CADPS2: variants seen among roughly 807,000 people sequenced by gnomAD.
CADPS2 encodes calcium dependent secretion activator 2.
In CADPS2, 93 loss-of-function variants were observed where a neutral mutation model predicts 172.5. The ratio of observed to expected loss-of-function variants is 0.54; its 90% CI spans 0.46 to 0.64. The LOEUF (loss-of-function observed/expected upper bound fraction) is 0.64. CADPS2 is among the 30% of genes least tolerant of loss of function. The pLI is 0.00. For missense variants in CADPS2, 1,420 were observed against 1,565.9 expected, an observed-to-expected ratio of 0.91 and a Z score of 1.57; for synonymous variants, 546 against 555.2, an observed-to-expected ratio of 0.98 and a Z score of 0.23.
At chr7:122,597,278 C>T (rs2071967899) in intron 6 of CADPS2, among the ~76,000 whole-genome samples, 1 of 152,074 alleles carries the variant, frequency 6.6e-6, no homozygotes, top group Non-Finnish European at 1.5e-5. Context: ...TCCTGCCTCA[C>T]ATAATTACTC....
chr7:122,462,380 G>A (rs1018552253), intron 14 of CADPS2, among the ~76,000 whole-genome samples: 2 of 150,462 alleles, frequency 1.3e-5, no homozygotes, highest in Non-Finnish European at 3.0e-5. Flanking sequence ...GAAAAAAAAA[G>A]AATTAAAGAA....
chr7:122,817,116 T>C (rs962193266), intron 1 of CADPS2, among the ~76,000 whole-genome samples: 4 of 152,108 alleles, frequency 2.6e-5, no homozygotes, highest in Non-Finnish European at 5.9e-5. Flanking sequence ...CCAGGTGAAA[T>C]AAGCAGCCAT....
At chr7:122,329,255 G>A (rs2034490289) in intron 28 of CADPS2, among the ~76,000 whole-genome samples, 1 of 152,156 alleles carries the variant, frequency 6.6e-6, no homozygotes, top group Non-Finnish European at 1.5e-5. Context: ...GGTGCAGTCT[G>A]AATGGCTGGC....
intron 7 of CADPS2, among the ~76,000 whole-genome samples, chr7:122,555,443 A>G (rs2132033317): frequency 6.6e-6 from 1 of 152,216 alleles, no homozygotes; most frequent in East Asian, 1.9e-4. Context: ...CACAGTTTAC[A>G]TCTAAGCCTT....
chr7:122,692,888 G>T lies in CADPS2; in HGVS notation c.454-29319C>A, dbSNP rs539481646. Among the ~76,000 whole-genome samples, 3 of 152,294 alleles carry T rather than the reference G, an allele frequency of 2.0e-5. No individual in the cohort carries two copies. In the East Asian group the frequency reaches 5.8e-4, roughly 29 times the overall value. On this transcript the variant is annotated intron_variant, in intron 2 of 29. Transcript: ENST00000449022. The stretch of plus-strand genomic sequence containing the variant: ...ACAGCCTGCTCTCCATTGCCTTCAG[G>T]GTCAGCAGCTTAACTCTCTCTCTCT...
chr7:122,464,520 G>T lies in CADPS2; in HGVS notation c.2186+6855C>A, dbSNP rs943048478. On this transcript the variant is annotated intron_variant, in intron 14 of 29. Coordinates refer to ENST00000449022, the MANE Select transcript of CADPS2 (RefSeq NM_017954.11). ...GGACTTAGCTATTTTCTTCAAACTA[G>T]AGTATAAAAAAATAAAAATGACATC... is the stretch of plus-strand genomic sequence containing the variant. Among the ~76,000 whole-genome samples, 3 of 152,000 alleles carry T rather than the reference G, an allele frequency of 2.0e-5. 1 individual carries two copies. The highest frequency in any genetic ancestry group is 4.2e-4 in the South Asian group (2 of 4,810).
At chr7:122,620,369 T>C (rs1395802776) in intron 5 of CADPS2, among the ~76,000 whole-genome samples, 1 of 152,192 alleles carries the variant, frequency 6.6e-6, no homozygotes, top group African/African-American at 2.4e-5. Context: ...TTATAATCTT[T>C]TATCTTAATG....
chr7:122,434,455 T>C (rs886089882), intron 17 of CADPS2, among the ~76,000 whole-genome samples: 1 of 152,154 alleles, frequency 6.6e-6, no homozygotes, highest in African/African-American at 2.4e-5. Context: ...AAACTAGGAT[T>C]AGGAAGTTTC....
intron 2 of CADPS2, among the ~76,000 whole-genome samples, chr7:122,692,740 T>C (rs1349299864): frequency 6.6e-6 from 1 of 152,204 alleles, no homozygotes; most frequent in Non-Finnish European, 1.5e-5. Context: ...AGTGGGTGGA[T>C]GGACAGATAG....
chr7:122,767,232 T>TTA (rs1295465848), intron 1 of CADPS2, among the ~76,000 whole-genome samples: 2 of 152,182 alleles, frequency 1.3e-5, no homozygotes, highest in Admixed American at 6.6e-5. Context: ...TTCCTGGGTT[T>TTA]TAGACACTAA....
At chr7:122,867,312 C>T (rs1002560879) in intron 1 of CADPS2, among the ~76,000 whole-genome samples, 5 of 152,166 alleles carry the variant, frequency 3.3e-5, no homozygotes, top group Non-Finnish European at 5.9e-5. Flanking sequence ...CCTCCTCTCA[C>T]ACACTGAGAA....
intron 29 of CADPS2, among the ~76,000 whole-genome samples, chr7:122,324,265 G>C (rs562676608): frequency 4.1e-4 from 62 of 152,152 alleles, no homozygotes; most frequent in African/African-American, 1.4e-3. Context: ...CTTTGGAACA[G>C]AACTTTCCTA....
intron 1 of CADPS2, among the ~76,000 whole-genome samples, chr7:122,865,421 ATG>A (rs1357894771): frequency 1.3e-5 from 2 of 152,206 alleles, no homozygotes; most frequent in Non-Finnish European, 2.9e-5. Flanking sequence ...GCTGTGACAC[ATG>A]TGAGACCCTG....
rs1462475829 is a variant in CADPS2 at position 122,615,262 on chromosome 7, G to A, written c.1142C>T (p.Ala381Val). 1.3e-6 allele frequency: 2 copies of A among 1,554,402 alleles called. No homozygotes were observed. The highest frequency in any genetic ancestry group is 8.7e-7 in the Non-Finnish European group (1 of 1,146,564). ...TGTACAGTAAACAATTCGATTGGGAGCAACTGACTTCAGGCCTTGCACTTC... is the reference window on the plus strand; with the variant it reads ...TGTACAGTAAACAATTCGATTGGGAACAACTGACTTCAGGCCTTGCACTTC... ...IMEVQGLKSVAPNRIVYCTME... is the reference protein window; with the variant it reads ...IMEVQGLKSVVPNRIVYCTME... The change falls in exon 6 of 30, where the codon GCT (alanine) becomes GTT (valine). Residue 381 changes from alanine to valine, a missense_variant. Coordinates refer to ENST00000449022, the MANE Select transcript of CADPS2 (RefSeq NM_017954.11).
chr7:122,575,363 A>C (rs2067879251), intron 7 of CADPS2, among the ~76,000 whole-genome samples: 1 of 151,996 alleles, frequency 6.6e-6, no homozygotes. Flanking sequence ...ATCAATATTA[A>C]ATTTCTTAGG....
chr7:122,792,800 C>G (rs1480189266), intron 1 of CADPS2, among the ~76,000 whole-genome samples: 1 of 152,142 alleles, frequency 6.6e-6, no homozygotes, highest in African/African-American at 2.4e-5. Context: ...GGCCAAGAAA[C>G]AGCTAACAGC....
chr7:122,480,830 T>A lies in CADPS2; in HGVS notation c.1861+22A>T, dbSNP rs532485485. 7 of 1,494,034 alleles carry A rather than the reference T, an allele frequency of 4.7e-6. No homozygotes were observed. The East Asian group carries it at 1.7e-4, about 37-fold the overall frequency. The allele number at this position is 1,494,034 out of a possible 1,614,324, so 92.5% of individuals were successfully genotyped here. ...AAAAATTTTTTAAAACATCTAATTT[T>A]AAAAATCATGAAAATACTTACCTTT... On this transcript the variant is annotated intron_variant, in intron 12 of 29. Coordinates refer to ENST00000449022, the MANE Select transcript of CADPS2 (RefSeq NM_017954.11).
intron 20 of CADPS2, among the ~76,000 whole-genome samples, chr7:122,398,770 G>A (rs375171615): frequency 0.018 from 1,249 of 71,162 alleles, 10 homozygotes; most frequent in Middle Eastern, 0.037. Flanking sequence ...CTCTCCCGCC[G>A]CCCTCCCCAC....
intron 28 of CADPS2, among the ~76,000 whole-genome samples, chr7:122,341,816 A>AC (rs2036829533): frequency 6.6e-6 from 1 of 152,160 alleles, no homozygotes; most frequent in Non-Finnish European, 1.5e-5. Flanking sequence ...TGGAACAAGG[A>AC]GGTGGCCAGG....
Sources: gnomAD v4.1 joint callset for allele counts (sites outside exome capture counted in the v4.1 genomes callset) on GRCh38, gnomAD v4.1.1 for gene constraint, MANE v1.5 for transcripts, NCBI Gene and HGNC (gene_info 2026-07-23, HGNC 2026-07-21) for gene names.